SRGAP3: variants seen among roughly 807,000 people sequenced by gnomAD.
SRGAP3 encodes the protein SLIT-ROBO Rho GTPase-activating protein 3.
A neutral mutation model predicts 121.1 loss-of-function variants in SRGAP3; 39 were observed. That is an observed-to-expected ratio of 0.32 (90% CI 0.25 to 0.42). The LOEUF is 0.42. Among genes scored for constraint, SRGAP3 ranks in the 10% least tolerant of loss-of-function variants. The pLI is 1.00. For synonymous variants in SRGAP3, 601 were observed against 570.0 expected (o/e 1.05, Z -0.77); for missense variants, 1,213 against 1,470.6 (o/e 0.82, Z 2.86).
chr3:9,069,836 A>G lies in SRGAP3; in HGVS notation c.487-5255T>C, dbSNP rs142383715. 8.0e-3 allele frequency among the ~76,000 whole-genome samples: 1,215 copies of G among 152,240 alleles called. 9 individuals carry two copies. Among genetic ancestry groups the G allele is most frequent in the Admixed American group, 0.019 (295 of 15,290 alleles). On this transcript the variant is annotated intron_variant, in intron 4 of 21. Coordinates refer to ENST00000383836, the MANE Select transcript of SRGAP3 (RefSeq NM_014850.4). ...GTGGTGGGCCCCTGTACTCCTAGCT[A>G]CTCAGGAGGCTGAGGCAGGAGAATA...
At chr3:9,203,611 A>G (rs1166224412) in intron 1 of SRGAP3, among the ~76,000 whole-genome samples, 2 of 151,988 alleles carry the variant, frequency 1.3e-5, no homozygotes, top group Non-Finnish European at 2.9e-5. Context: ...GCTACCCTCT[A>G]AATTGCAATT....
Position 9,110,511 on chromosome 3 carries a change from G to A in SRGAP3, c.261-5669C>T, listed in dbSNP as rs146411281. On this transcript the variant is annotated intron_variant, in intron 2 of 21. Transcript: ENST00000383836. ...AATCCCCGGGAAGCATGGCAAGGCT[G>A]TGGCCGGAGGGCTGGGGCAGGGCCA... Among the ~76,000 whole-genome samples the A allele has an allele frequency of 6.1e-3, 923 of 152,396 alleles. 10 individuals carry two copies. The highest frequency in any genetic ancestry group is 0.021 in the African/African-American group (878 of 41,592).
intron 1 of SRGAP3, among the ~76,000 whole-genome samples, chr3:9,133,075 T>C (rs1273184609): frequency 2.0e-5 from 3 of 149,756 alleles, no homozygotes; most frequent in Non-Finnish European, 4.4e-5. Flanking sequence ...AGAGAGAATA[T>C]CTATATATAG....
intron 3 of SRGAP3, among the ~76,000 whole-genome samples, chr3:9,296,161 G>A (rs1395956941): frequency 1.3e-5 from 2 of 152,184 alleles, no homozygotes; most frequent in Admixed American, 1.3e-4. Context: ...ATACCCAGAA[G>A]TCAAATTACT....
chr3:9,058,288 G>A lies in SRGAP3; in HGVS notation c.986C>T (p.Pro329Leu). The A allele has an allele frequency of 1.2e-6, 2 of 1,614,240 alleles. No individual in the cohort carries two copies. Among genetic ancestry groups the A allele is most frequent in the Non-Finnish European group, 1.7e-6 (2 of 1,180,036 alleles). ...MDMCNQVFCP[P>L]LKFEFQPHMG... ...GTGGGGCTGGAACTCGAACTTGAGT[G>A]GAGGGCAGAAGACTTGATTGCACAT... The change falls in exon 7 of 22, where the codon CCA becomes CTA. Residue 329 changes from proline to leucine, a missense_variant. By Grantham distance (98) the Pro-to-Leu change is moderately conservative. Around this residue, in one of 2 missense-constraint regions of SRGAP3, gnomAD observed 793 missense variants for 1,032.9 expected, o/e 0.77. Coordinates refer to ENST00000383836, the MANE Select transcript of SRGAP3 (RefSeq NM_014850.4).
At chr3:9,352,271 A>AT (rs34692815) in intron 1 of SRGAP3, among the ~76,000 whole-genome samples, 2,430 of 123,426 alleles carry the variant, frequency 0.02, 45 homozygotes, top group East Asian at 0.049. Context: ...TGTTATGGAC[A>AT]TTTTTTTTTT....
chr3:9,226,581 A>C (rs1011672613), intron 1 of SRGAP3, among the ~76,000 whole-genome samples: 3 of 152,210 alleles, frequency 2.0e-5, no homozygotes, highest in African/African-American at 7.2e-5. Context: ...CAACTGCCTC[A>C]CAGTGACTCA....
In SRGAP3 at chr3:9,143,884, T is replaced by G. The variant is rs775715761; in HGVS notation, c.68-18967A>C. ...TGACCTTGCCTTCCCCCATGCTCCA[T>G]CCCTCCCCATCACTGTGTCCTATCC... On this transcript the variant is annotated intron_variant, in intron 1 of 21. Coordinates refer to ENST00000383836, the MANE Select transcript of SRGAP3 (RefSeq NM_014850.4). Among the ~76,000 whole-genome samples, 55 of 152,152 alleles carry G rather than the reference T, an allele frequency of 3.6e-4. 1 individual carries two copies. Among genetic ancestry groups the G allele is most frequent in the Non-Finnish European group, 6.9e-4 (47 of 67,992 alleles).
In SRGAP3 at chr3:9,109,855, A is replaced by G. The variant is rs1045176039; in HGVS notation, c.261-5013T>C. ...TGTGATGAGCAAAGGCCCAGGGAGG[A>G]GCAGGAGAGGGAGGAGCAGGTAGGG... On this transcript the variant is annotated intron_variant, in intron 2 of 21. Transcript: ENST00000383836. This position sits in a 1 kb window ranked among gnomAD's most constrained non-coding sequence, Gnocchi z 4.4. 7.9e-5 allele frequency among the ~76,000 whole-genome samples: 12 copies of G among 151,972 alleles called. No homozygotes were observed. Among genetic ancestry groups the G allele is most frequent in the African/African-American group, 2.7e-4 (11 of 41,354 alleles).
chr3:9,309,431 G>A (rs773759816), intron 3 of SRGAP3, among the ~76,000 whole-genome samples: 1 of 152,094 alleles, frequency 6.6e-6, no homozygotes, highest in Non-Finnish European at 1.5e-5. Flanking sequence ...CTTCCTGCTC[G>A]GTTTGATTGC....
chr3:9,329,052 G>A (rs1047029976), intron 2 of SRGAP3, among the ~76,000 whole-genome samples: 1 of 152,126 alleles, frequency 6.6e-6, no homozygotes, highest in African/African-American at 2.4e-5. Flanking sequence ...GGAACAGCTT[G>A]TTGGGCCATC....
At chr3:9,358,558 CTG>C in intron 1 of SRGAP3, among the ~76,000 whole-genome samples, 1 of 152,208 alleles carries the variant, frequency 6.6e-6, no homozygotes, top group Admixed American at 6.5e-5. Flanking sequence ...CGGACACCAG[CTG>C]TGTGTTCTCC....
intron 20 of SRGAP3, chr3:8,992,549 A>T: frequency 4.9e-6 from 2 of 406,116 alleles, no homozygotes; most frequent in South Asian, 3.0e-5. Flanking sequence ...ATTTTTAAAT[A>T]TAACAACTCA....
chr3:9,095,288 G>A (rs556398472), intron 3 of SRGAP3, among the ~76,000 whole-genome samples: 1 of 151,786 alleles, frequency 6.6e-6, no homozygotes, highest in East Asian at 1.9e-4. Context: ...TTTTATATAT[G>A]AAATTAATCA....
Position 9,336,844 on chromosome 3 carries a change from T to C in SRGAP3, n.215-6248A>G, listed in dbSNP as rs568158343. On this transcript the variant is annotated intron_variant and non_coding_transcript_variant, in intron 1 of 3. Coordinates refer to the SRGAP3 transcript ENST00000490889. ...AAACAGAACCAATAAAATGGAGATA[T>C]ATCTATACATGAATGGGCTCATGTA... is the stretch of plus-strand genomic sequence containing the variant. 1.4e-4 allele frequency among the ~76,000 whole-genome samples: 21 copies of C among 152,292 alleles called. No individual in the cohort carries two copies. In the South Asian group the frequency reaches 3.9e-3, roughly 29 times the overall value.
chr3:9,174,366 T>C (rs943067604), intron 1 of SRGAP3, among the ~76,000 whole-genome samples: 2 of 152,202 alleles, frequency 1.3e-5, no homozygotes, highest in Admixed American at 1.3e-4. Flanking sequence ...TTTATCACAA[T>C]TAAAATAATT....
At chr3:9,106,519 C>A (rs1341138170) in intron 2 of SRGAP3, among the ~76,000 whole-genome samples, 1 of 152,182 alleles carries the variant, frequency 6.6e-6, no homozygotes, top group Non-Finnish European at 1.5e-5. Flanking sequence ...TTGGTTTTGT[C>A]CCCACCCAAA....
At chr3:9,062,296 AC>A (rs1560045038) in intron 5 of SRGAP3, among the ~76,000 whole-genome samples, 1 of 152,180 alleles carries the variant, frequency 6.6e-6, no homozygotes, top group East Asian at 1.9e-4. Flanking sequence ...AGCTAATCGA[AC>A]CAAAAATACA....
intron 1 of SRGAP3, among the ~76,000 whole-genome samples, chr3:9,236,587 C>T (rs1007360): frequency 3.3e-5 from 5 of 151,890 alleles, no homozygotes; most frequent in Admixed American, 6.6e-5. Flanking sequence ...CTTCCCCCCC[C>T]CTCTTCTTCC....
Sources: gnomAD v4.1 joint callset for allele counts (sites outside exome capture counted in the v4.1 genomes callset) on GRCh38, gnomAD v4.1.1 for gene constraint, gnomAD v4.1.1 regional missense constraint, Gnocchi (gnomAD v3.1) non-coding constraint, MANE v1.5 for transcripts, NCBI Gene and HGNC (gene_info 2026-07-23, HGNC 2026-07-21) for gene names.